Variants in ALDOC observed in about 807,000 individuals in gnomAD.
The protein encoded by ALDOC is fructose-bisphosphate aldolase C.
Under a neutral mutation model 39.5 loss-of-function variants are expected in ALDOC, and 23 were observed. The observed-to-expected ratio is 0.58, with a 90% CI of 0.42 to 0.82. The LOEUF is 0.82. Among genes scored for constraint, ALDOC ranks in the 40% least tolerant of loss-of-function variants. ALDOC has a pLI of 0.00. For missense variants in ALDOC, 356 were observed against 479.1 expected (o/e 0.74, Z 2.40); for synonymous variants, 160 against 182.6 (o/e 0.88, Z 1.00).
chr17:28,574,349 A>G (rs751068177), intron 6 of ALDOC, 108 bp from the exon 7 acceptor site: 83 of 1,436,738 alleles, frequency 5.8e-5, no homozygotes, highest in Non-Finnish European at 7.5e-5. Context: ...GGCTCAGTAC[A>G]GGCTCAGATC....
rs1597590736 is a variant in ALDOC at position 28,575,249 on chromosome 17, A to G, written c.198T>C (p.Ala66=). The change falls in exon 3 of 9, where the codon GCT becomes GCC. Residue 66 remains alanine (A), a synonymous_variant. Transcript: ENST00000226253. This position sits in a 1 kb window ranked among gnomAD's most constrained non-coding sequence, Gnocchi z 4.3. ...RRLYRQVLFS[A]DDRVKKCIGG... ...CAATGCACTTTTTCACACGGTCATC[A>G]GCACTGAACAGGACCTGGCGGTACA... The G allele has an allele frequency of 6.2e-7, 1 of 1,614,178 alleles. No homozygotes were observed. The highest frequency in any genetic ancestry group is 1.6e-4 in the Middle Eastern group (1 of 6,062).
rs1321334011 is a variant in ALDOC, at chr17:28,575,159, T to C, written c.288A>G (p.Arg96=). The change falls in exon 3 of 9, where the codon CGA becomes CGG. Residue 96 remains arginine, a synonymous_variant. Transcript: ENST00000226253. This position sits in a 1 kb window ranked among gnomAD's most constrained non-coding sequence, Gnocchi z 4.3. The part of the protein sequence containing the change: ...QKDDNGVPFV[R]TIQDKGIVVG... ...CGACGATGCCCTTATCCTGGATGGT[T>C]CGGACGAAGGGAACACCATTATCAT... 6.2e-7 allele frequency: 1 copy of C among 1,614,186 alleles called. No individual in the cohort carries two copies. Among genetic ancestry groups the C allele is most frequent in the Admixed American group, 1.7e-5 (1 of 60,028 alleles).
rs181289784 is a variant in ALDOC at position 28,574,184 on chromosome 17, G to A, written c.682C>T (p.Leu228=). Residue 228 remains leucine, a synonymous_variant, in exon 7 of 9, where the codon CTG becomes TTG. Coordinates refer to ENST00000226253, the MANE Select transcript of ALDOC (RefSeq NM_005165.3). The stretch of plus-strand genomic sequence containing the variant: ...GGGGTCACCATGTTGGGCTTGAGCA[G>A]GGTCCCCTCCAGGTATACATGATGG... ...SDHHVYLEGT[L]LKPNMVTPGH... is the part of the protein sequence containing the mutation. The A allele has an allele frequency of 2.5e-6, 4 of 1,611,324 alleles. No homozygotes were observed. Among genetic ancestry groups the A allele is most frequent in the Non-Finnish European group, 3.4e-6 (4 of 1,178,602 alleles).
Position 28,573,413 on chromosome 17 carries a change from T to A in ALDOC, c.*113A>T. On this transcript the variant is annotated 3_prime_UTR_variant, in exon 9 of 9. Coordinates refer to ENST00000226253, the MANE Select transcript of ALDOC (RefSeq NM_005165.3). This position sits in a 1 kb window ranked among gnomAD's most constrained non-coding sequence, Gnocchi z 4.3. Reference sequence around the variant, plus strand: ...AAGGGAAGAGAGAAAGGAAGACAAGTTGGTGCCAGGTGAAGGCATCTCTGC... The same window carrying A: ...AAGGGAAGAGAGAAAGGAAGACAAGATGGTGCCAGGTGAAGGCATCTCTGC... The A allele has an allele frequency of 1.1e-6, 1 of 911,978 alleles. No individual in the cohort carries two copies. The highest frequency in any genetic ancestry group is 1.8e-6 in the Non-Finnish European group (1 of 548,336). 56.5% of individuals were successfully genotyped at this position (911,978 alleles called of 1,614,324 possible).
intron 1 of ALDOC, chr17:28,576,014 T>C: frequency 1.0e-6 from 1 of 1,001,044 alleles, no homozygotes; most frequent in Non-Finnish European, 1.2e-6. Flanking sequence ...CCCTCTTCTC[T>C]CAGCTTCTAG....
At chr17:28,576,030 A>G (rs2151517589) in intron 1 of ALDOC, 2 of 1,001,190 alleles carry the variant, frequency 2.0e-6, no homozygotes, top group South Asian at 8.4e-5. Flanking sequence ...TCTAGAGGAA[A>G]AGGTTGGAAG....
chr17:28,574,918 A>T (rs781657135), intron 4 of ALDOC, 34 bp downstream of exon 4: 3 of 1,613,450 alleles, frequency 1.9e-6, no homozygotes, highest in Non-Finnish European at 8.5e-7. Flanking sequence ...ACTATCTAAC[A>T]CCTCTTTGGT....
chr17:28,574,970 C>G lies in ALDOC; in HGVS notation c.361G>C (p.Gly121Arg). The G allele has an allele frequency of 6.2e-7, 1 of 1,614,198 alleles. No homozygotes were observed. The highest frequency in any genetic ancestry group is 8.5e-7 in the Non-Finnish European group (1 of 1,180,038). Reference sequence around the variant, plus strand: ...CCTATACCTTGAGTGGTGGTTTCTCCATCAGTCCCAGCTAGAGGCACCACA... The same window carrying G: ...CCTATACCTTGAGTGGTGGTTTCTCGATCAGTCCCAGCTAGAGGCACCACA... ...KGVVPLAGTD[G>R]ETTTQGLDGL... The change falls in exon 4 of 9, where the codon GGA becomes CGA. Residue 121 changes from glycine (G) to arginine (R), a missense_variant. Gly to Arg is a moderately radical substitution (Grantham distance 125). Transcript: ENST00000226253.
Position 28,574,983 on chromosome 17 carries a change from T to C in ALDOC, c.348A>G (p.Leu116=), listed in dbSNP as rs2070469646. 2.5e-6 allele frequency: 4 copies of C among 1,614,182 alleles called. No homozygotes were observed. In the East Asian group the frequency reaches 8.9e-5, roughly 36 times the overall value. ...TGGTGGTTTCTCCATCAGTCCCAGC[T>C]AGAGGCACCACACCCTTGTCAACCT... The part of the protein sequence containing the change: ...GIKVDKGVVP[L]AGTDGETTTQ... Residue 116 remains leucine (L), a synonymous_variant, in exon 4 of 9, where the codon CTA becomes CTG. Coordinates refer to ENST00000226253, the MANE Select transcript of ALDOC (RefSeq NM_005165.3).
chr17:28,574,436 C>T (rs1298037603), intron 6 of ALDOC, 58 bp downstream of exon 6: 2 of 1,570,568 alleles, frequency 1.3e-6, no homozygotes, highest in African/African-American at 2.7e-5. Context: ...TTCTGGGGAA[C>T]AGACACTCCT....
At position 28,573,247 on chromosome 17, in the gene ALDOC, T is replaced by C; in HGVS notation, c.*279A>G. The C allele has an allele frequency of 1.9e-6, 1 of 525,916 alleles. No homozygotes were observed. Among genetic ancestry groups the C allele is most frequent in the Non-Finnish European group, 3.4e-6 (1 of 290,498 alleles). The allele number at this position is 525,916 out of a possible 1,614,324, so 32.6% of individuals were successfully genotyped here. ...AGCCCAGGGAGAAGCTACCTCATCA[T>C]GGGAAAATTGTGGGAGCTGGAAGAG... On this transcript the variant is annotated 3_prime_UTR_variant, in exon 9 of 9. Transcript: ENST00000226253. This position sits in a 1 kb window ranked among gnomAD's most constrained non-coding sequence, Gnocchi z 4.3.
At position 28,575,595 on chromosome 17, in the gene ALDOC, C is replaced by G. The variant is rs1446903839; in HGVS notation, c.-12-51G>C. On this transcript the variant is annotated intron_variant, in intron 1 of 8. Coordinates refer to ENST00000226253, the MANE Select transcript of ALDOC (RefSeq NM_005165.3). This position sits in a 1 kb window ranked among gnomAD's most constrained non-coding sequence, Gnocchi z 4.3. ...CCAGACCTCACCCTCTGCTGCCTCT[C>G]CTGGCCAGATGGGCCAAATGGCCTC... The G allele has an allele frequency of 7.6e-6, 12 of 1,576,328 alleles. No individual in the cohort carries two copies. The East Asian group carries it at 2.3e-4, about 30-fold the overall frequency.
In ALDOC at chr17:28,575,703, C is replaced by G; in HGVS notation, c.-12-159G>C. The G allele has an allele frequency of 2.2e-6, 2 of 917,022 alleles. No individual in the cohort carries two copies. Among genetic ancestry groups the G allele is most frequent in the Non-Finnish European group, 3.2e-6 (2 of 628,874 alleles). 56.8% of individuals were successfully genotyped at this position (917,022 alleles called of 1,614,324 possible). ...CAAGTGGCACCAGTCCTTCTGACAG[C>G]TAGCAAGCTTAGGGCTCCAGTTCCC... is the stretch of plus-strand genomic sequence containing the variant. On this transcript the variant is annotated intron_variant, in intron 1 of 8. Transcript: ENST00000226253. The surrounding 1 kb of genome is among the most constrained non-coding windows in gnomAD (Gnocchi z 4.3).
Position 28,574,729 on chromosome 17 carries a change from G to C in ALDOC, c.507C>G (p.Asn169Lys), listed in dbSNP as rs373220558. 7.7e-5 allele frequency: 125 copies of C among 1,614,080 alleles called. No individual in the cohort carries two copies. Among genetic ancestry groups the C allele is most frequent in the Non-Finnish European group, 1.1e-4 (124 of 1,180,042 alleles). The change falls in exon 5 of 9, where the codon AAC becomes AAG. Residue 169 changes from asparagine to lysine, a missense_variant. Asn to Lys is a moderately conservative substitution (Grantham distance 94, BLOSUM62 0). Coordinates refer to ENST00000226253, the MANE Select transcript of ALDOC (RefSeq NM_005165.3). Reference protein sequence around the residue: ...PSALAILENANVLARYASICQ... With the variant: ...PSALAILENAKVLARYASICQ... Reference sequence around the variant, plus strand: ...AGATACTGGCATAACGGGCCAGCACGTTGGCGTTCTCCAGAATGGCAAGTG... The same window carrying C: ...AGATACTGGCATAACGGGCCAGCACCTTGGCGTTCTCCAGAATGGCAAGTG...
In ALDOC at chr17:28,574,954, T is replaced by C. The variant is rs746710732; in HGVS notation, c.377A>G (p.Gln126Arg). Residue 126 changes from glutamine (Q) to arginine (R), a missense_variant and splice_region_variant, in exon 4 of 9, where the codon CAA becomes CGA. Transcript: ENST00000226253. ...CCTCAAGCCCACCCATCCTATACCT[T>C]GAGTGGTGGTTTCTCCATCAGTCCC... ...LAGTDGETTT[Q>R]GLDGLSERCA... 6.2e-7 allele frequency: 1 copy of C among 1,614,182 alleles called. No individual in the cohort carries two copies. Among genetic ancestry groups the C allele is most frequent in the Non-Finnish European group, 8.5e-7 (1 of 1,180,032 alleles).
At chr17:28,576,741 G>C (rs940479966) in intron 1 of ALDOC, 60 bp downstream of exon 1, 34 of 969,734 alleles carry the variant, frequency 3.5e-5, no homozygotes, top group Non-Finnish European at 4.0e-5. Context: ...AGGATGGCAG[G>C]GGAAGAGCCA....
Position 28,574,221 on chromosome 17 carries a change from C to CT in ALDOC, c.644dup (p.Ala216GlyfsTer4), listed in dbSNP as rs766399034. 2 of 1,596,316 alleles carry CT rather than the reference C, an allele frequency of 1.3e-6. No individual in the cohort carries two copies. Among genetic ancestry groups the CT allele is most frequent in the East Asian group, 4.5e-5 (2 of 44,810 alleles). On this transcript the variant is annotated frameshift_variant, in exon 7 of 9. Transcript: ENST00000226253. LOFTEE classifies it high-confidence loss of function. The stretch of plus-strand genomic sequence containing the variant: ...GGTATACATGATGGTCACTCAGGGC[C>CT]TTGTACACAGCAGCCAAGACCTGGG...
rs2070462965 is a variant in ALDOC, at chr17:28,574,483, T to C, written c.624+11A>G. 6.2e-7 allele frequency: 1 copy of C among 1,613,462 alleles called. No homozygotes were observed. Among genetic ancestry groups the C allele is most frequent in the African/African-American group, 1.3e-5 (1 of 74,888 alleles). ...CCTGCAGTATGTTTGTGTGCCCAGG[T>C]GTGGACTCACCTTCTCTGTAACATA... is the stretch of plus-strand genomic sequence containing the variant. On this transcript the variant is annotated intron_variant, in intron 6 of 8. Coordinates refer to ENST00000226253, the MANE Select transcript of ALDOC (RefSeq NM_005165.3).
rs2070476678 is a variant in ALDOC at position 28,575,415 on chromosome 17, A to G, written c.112+6T>C. On this transcript the variant is annotated splice_donor_region_variant and intron_variant, in intron 2 of 8. Transcript: ENST00000226253. The surrounding 1 kb of genome is among the most constrained non-coding windows in gnomAD (Gnocchi z 4.3). ...GTACCCTACCTGGCTACAGATGTCCACTTACCTACAGACTCATCCGCAGCC... is the reference window on the plus strand; with the variant it reads ...GTACCCTACCTGGCTACAGATGTCCGCTTACCTACAGACTCATCCGCAGCC... 2 of 1,614,084 alleles carry G rather than the reference A, an allele frequency of 1.2e-6. No homozygotes were observed. Among genetic ancestry groups the G allele is most frequent in the African/African-American group, 2.7e-5 (2 of 74,932 alleles).
Sources: gnomAD v4.1 joint callset for allele counts on GRCh38, gnomAD v4.1.1 for gene constraint, Gnocchi (gnomAD v3.1) non-coding constraint, MANE v1.5 for transcripts, NCBI Gene and HGNC (gene_info 2026-07-23, HGNC 2026-07-21) for gene names.